Variants in PCSK2 observed in about 807,000 individuals in gnomAD.
PCSK2 encodes proprotein convertase subtilisin/kexin type 2, also known as neuroendocrine convertase 2.
A neutral mutation model predicts 69.7 loss-of-function variants in PCSK2; 14 were observed. The ratio of observed to expected loss-of-function variants is 0.20; its 90% CI spans 0.13 to 0.31. PCSK2 has a LOEUF of 0.31. PCSK2 is among the 10% of genes least tolerant of loss of function. The pLI, the probability that PCSK2 is intolerant of heterozygous loss-of-function variation, is 1.00. For missense variants in PCSK2, 544 were observed against 842.5 expected, an observed-to-expected ratio of 0.65 and a Z score of 4.39; for synonymous variants, 307 against 320.7, an observed-to-expected ratio of 0.96 and a Z score of 0.46.
chr20:17,393,355 TAA>T (rs1323197618), intron 5 of PCSK2, among the ~76,000 whole-genome samples: 1 of 152,190 alleles, frequency 6.6e-6, no homozygotes, highest in Non-Finnish European at 1.5e-5. Flanking sequence ...TAAATTTAAA[TAA>T]AATTCTGAGT....
At chr20:17,382,090 A>T (rs533981467) in intron 5 of PCSK2, among the ~76,000 whole-genome samples, 358 of 152,310 alleles carry the variant, frequency 2.4e-3, no homozygotes, top group Middle Eastern at 0.014. Context: ...CTTGATTATT[A>T]ATAACTCGCA....
At chr20:17,398,050 A>G (rs1056559720) in intron 5 of PCSK2, among the ~76,000 whole-genome samples, 1 of 152,200 alleles carries the variant, frequency 6.6e-6, no homozygotes, top group African/African-American at 2.4e-5. Flanking sequence ...TGGGAAAGGC[A>G]ATGTCTGAAT....
intron 2 of PCSK2, among the ~76,000 whole-genome samples, chr20:17,328,370 C>A (rs991153540): frequency 6.1e-5 from 9 of 147,708 alleles, no homozygotes; most frequent in African/African-American, 2.2e-4. Context: ...ATAAATATTA[C>A]CTAACATATA....
intron 5 of PCSK2, among the ~76,000 whole-genome samples, chr20:17,381,113 A>G (rs2031075710): frequency 6.6e-6 from 1 of 152,224 alleles, no homozygotes; most frequent in African/African-American, 2.4e-5. Flanking sequence ...AATCTCTGAC[A>G]TAGAAATAAG....
chr20:17,393,392 A>G (rs2031433481), intron 5 of PCSK2, among the ~76,000 whole-genome samples: 1 of 152,180 alleles, frequency 6.6e-6, no homozygotes, highest in African/African-American at 2.4e-5. Context: ...TTTTTTGGAA[A>G]ATATATGCAG....
chr20:17,328,461 T>C (rs942930991), intron 2 of PCSK2, among the ~76,000 whole-genome samples: 8 of 149,712 alleles, frequency 5.3e-5, no homozygotes, highest in African/African-American at 1.7e-4. Context: ...CATATAATTA[T>C]AGAATTATAT....
chr20:17,346,109 C>G (rs1990645578), intron 2 of PCSK2, among the ~76,000 whole-genome samples: 1 of 152,240 alleles, frequency 6.6e-6, no homozygotes, highest in African/African-American at 2.4e-5. Flanking sequence ...CAGACACATC[C>G]CCACCCAGCA....
At chr20:17,264,131 T>C (rs1469494968) in intron 2 of PCSK2, among the ~76,000 whole-genome samples, 4 of 152,150 alleles carry the variant, frequency 2.6e-5, no homozygotes, top group Admixed American at 6.5e-5. Flanking sequence ...CAAACCATAC[T>C]TGCACATCTG....
In PCSK2 at chr20:17,481,767, G is replaced by A. The variant is rs749441950; in HGVS notation, c.1614G>A (p.Arg538=). The A allele has an allele frequency of 1.2e-6, 2 of 1,614,028 alleles. No individual in the cohort carries two copies. The highest frequency in any genetic ancestry group is 1.3e-5 in the African/African-American group (1 of 74,904). ...GCACCAAGTCCATTTTGCTGAGCCGGCGTCCAAGGGATGACGACTCCAAGG... is the reference window on the plus strand; with the variant it reads ...GCACCAAGTCCATTTTGCTGAGCCGACGTCCAAGGGATGACGACTCCAAGG... The part of the protein sequence containing the change: ...PMGTKSILLS[R]RPRDDDSKVG... Residue 538 remains arginine, a synonymous_variant, in exon 12 of 12, where the codon CGG becomes CGA. Transcript: ENST00000262545.
chr20:17,342,625 C>T (rs1990538435), intron 2 of PCSK2, among the ~76,000 whole-genome samples: 1 of 150,872 alleles, frequency 6.6e-6, no homozygotes, highest in Non-Finnish European at 1.5e-5. Flanking sequence ...GCCTATAAAG[C>T]TCTTTAATAA....
chr20:17,232,663 C>A (rs550237489), intron 1 of PCSK2, among the ~76,000 whole-genome samples: 3 of 152,270 alleles, frequency 2.0e-5, no homozygotes, highest in Admixed American at 6.5e-5. Flanking sequence ...AATGTTCAAT[C>A]CAGATTATAT....
At chr20:17,316,669 C>T (rs938473831) in intron 2 of PCSK2, among the ~76,000 whole-genome samples, 6 of 152,296 alleles carry the variant, frequency 3.9e-5, no homozygotes, top group South Asian at 4.1e-4. Context: ...AGAATAATAA[C>T]GCAGCATCAA....
chr20:17,479,796 CAAAAAA>C (rs5840770), intron 11 of PCSK2, among the ~76,000 whole-genome samples: 17,703 of 90,962 alleles, frequency 0.19, 1,214 homozygotes, highest in East Asian at 0.24. Flanking sequence ...GACTCCGTCT[CAAAAAA>C]AAAAAAAAAA....
intron 11 of PCSK2, among the ~76,000 whole-genome samples, chr20:17,468,212 A>T (rs60578075): frequency 1.3e-4 from 16 of 120,684 alleles, no homozygotes; most frequent in South Asian, 2.8e-4. Flanking sequence ...ACGAGCAGCC[A>T]ACCATAGGTC....
intron 2 of PCSK2, among the ~76,000 whole-genome samples, chr20:17,330,418 C>T (rs1201332339): frequency 2.6e-5 from 4 of 151,900 alleles, no homozygotes; most frequent in Non-Finnish European, 1.5e-5. Flanking sequence ...ATGGCGAAAC[C>T]CCGTCTCTAC....
intron 6 of PCSK2, among the ~76,000 whole-genome samples, chr20:17,411,240 T>A (rs2031864799): frequency 6.6e-6 from 1 of 152,140 alleles, no homozygotes; most frequent in African/African-American, 2.4e-5. Context: ...AGTTGGACAG[T>A]GGGTGCAAGG....
intron 1 of PCSK2, among the ~76,000 whole-genome samples, chr20:17,243,755 A>G (rs985064286): frequency 1.3e-5 from 2 of 152,210 alleles, no homozygotes; most frequent in East Asian, 1.9e-4. Context: ...TGCCCCTGCC[A>G]TGATACATCA....
Position 17,433,886 on chromosome 20 carries a change from TCC to T in PCSK2, c.710-2814_710-2813del, listed in dbSNP as rs201181036. Among the ~76,000 whole-genome samples, 35 of 74,702 alleles carry T rather than the reference TCC, an allele frequency of 4.7e-4. 1 individual carries two copies. Among genetic ancestry groups the T allele is most frequent in the African/African-American group, 8.4e-4 (16 of 19,146 alleles). The allele number at this position is 74,702 out of a possible 152,430, so 49.0% of individuals were successfully genotyped here. On this transcript the variant is annotated intron_variant, in intron 7 of 11. Transcript: ENST00000262545. ...CCTCTCTCTCTTCCTCCCCTCCTCC[TCC>T]CCCCCCCTTCCTACTTCTCTCCCTT... is the stretch of plus-strand genomic sequence containing the variant.
intron 7 of PCSK2, among the ~76,000 whole-genome samples, chr20:17,436,347 C>A (rs55959837): frequency 0.014 from 2,117 of 152,236 alleles, 15 homozygotes; most frequent in Non-Finnish European, 0.02. Context: ...TTTATTTCTC[C>A]CTTAAAACTT....
Sources: allele counts gnomAD v4.1 joint callset (sites outside exome capture counted in the v4.1 genomes callset), GRCh38; gene constraint gnomAD v4.1.1; transcripts MANE v1.5; gene names NCBI Gene and HGNC (gene_info 2026-07-23, HGNC 2026-07-21).